SEL1L3: variants seen among roughly 807,000 people sequenced by gnomAD.
SEL1L3 encodes protein sel-1 homolog 3.
A neutral mutation model predicts 142.8 loss-of-function variants in SEL1L3; 76 were observed. The observed-to-expected ratio is 0.53, with a 90% CI of 0.44 to 0.64. The LOEUF (loss-of-function observed/expected upper bound fraction) is 0.64. Among genes scored for constraint, SEL1L3 ranks in the 30% least tolerant of loss-of-function variants. The probability of loss-of-function intolerance (pLI) is 0.00; values close to 1 mark genes in which losing one functional copy is unlikely to be tolerated. For missense variants in SEL1L3, 1,262 were observed against 1,381.7 expected (o/e 0.91, Z 1.37); for synonymous variants, 504 against 519.6 (o/e 0.97, Z 0.41).
intron 17 of SEL1L3, among the ~76,000 whole-genome samples, chr4:25,768,898 T>C (rs1718956257): frequency 1.3e-5 from 2 of 151,526 alleles, no homozygotes; most frequent in South Asian, 4.2e-4. Flanking sequence ...CACATATACA[T>C]GCAGATACAA....
At chr4:25,837,781 A>G (rs1264460335) in intron 2 of SEL1L3, among the ~76,000 whole-genome samples, 1 of 152,122 alleles carries the variant, frequency 6.6e-6, no homozygotes, top group Non-Finnish European at 1.5e-5. Context: ...TATTTATCCT[A>G]TATGTTATTT....
At chr4:25,715,949 C>T in the SEL1L3 span, among the ~76,000 whole-genome samples, 6 of 152,056 alleles carry the variant, frequency 3.9e-5, no homozygotes, top group African/African-American at 1.2e-4. Flanking sequence ...GAGAATAGAC[C>T]TTTTACTATA....
chr4:25,840,769 C>T (rs1380361745), intron 2 of SEL1L3, among the ~76,000 whole-genome samples: 1 of 152,188 alleles, frequency 6.6e-6, no homozygotes, highest in Non-Finnish European at 1.5e-5. Flanking sequence ...CCATGGCAGA[C>T]AGTAACTGAT....
chr4:25,787,296 C>A (rs1711915338), intron 13 of SEL1L3, among the ~76,000 whole-genome samples: 1 of 152,196 alleles, frequency 6.6e-6, no homozygotes, highest in Non-Finnish European at 1.5e-5. Flanking sequence ...AAGCAGGTAA[C>A]AACCACTCAA....
chr4:25,856,989 A>G (rs1396714762), intron 1 of SEL1L3, among the ~76,000 whole-genome samples: 3 of 152,216 alleles, frequency 2.0e-5, no homozygotes. Context: ...GGGTATGACA[A>G]GAAAACAATA....
intron 16 of SEL1L3, chr4:25,777,502 A>G (rs192686806): frequency 4.9e-6 from 1 of 205,874 alleles, no homozygotes; most frequent in Admixed American, 5.6e-5. Context: ...TGTAACTGAT[A>G]TATATGTAGA....
chr4:25,778,991 A>G (rs944719841), intron 16 of SEL1L3, 85 bp downstream of exon 16: 3 of 1,264,902 alleles, frequency 2.4e-6, no homozygotes, highest in African/African-American at 3.0e-5. Context: ...TGGTAAAAAT[A>G]AAGAACTCAA....
Position 25,835,116 on chromosome 4 carries a change from G to A in SEL1L3, c.860+81C>T, listed in dbSNP as rs538107212. 2.3e-4 allele frequency: 346 copies of A among 1,528,006 alleles called. 2 individuals carry two copies. The East Asian group carries it at 7.5e-3, about 33-fold the overall frequency. 94.7% of individuals were successfully genotyped at this position (1,528,006 alleles called of 1,614,324 possible). ...TTACCAAGAAGGTGTGTCTTCCTAA[G>A]GAATTCTTCCACTAGCCTGCTCTGG... is the stretch of plus-strand genomic sequence containing the variant. On this transcript the variant is annotated intron_variant, in intron 3 of 23. Coordinates refer to ENST00000399878, the MANE Select transcript of SEL1L3 (RefSeq NM_015187.5).
chr4:25,772,997 A>G (rs535713708), intron 17 of SEL1L3, among the ~76,000 whole-genome samples: 1 of 152,242 alleles, frequency 6.6e-6, no homozygotes, highest in Admixed American at 6.5e-5. Flanking sequence ...GGGTTTCACC[A>G]TGTTGGTCAG....
At chr4:25,828,979 A>AT (rs937727675) in intron 6 of SEL1L3, among the ~76,000 whole-genome samples, 8 of 151,992 alleles carry the variant, frequency 5.3e-5, no homozygotes, top group African/African-American at 1.7e-4. Context: ...CTTTACACTT[A>AT]TTTTTTTATT....
intron 23 of SEL1L3, among the ~76,000 whole-genome samples, chr4:25,757,267 C>CA (rs533360260): frequency 6.7e-6 from 1 of 149,946 alleles, no homozygotes; most frequent in Non-Finnish European, 1.5e-5. Flanking sequence ...GACTCCATCT[C>CA]AAAAAAAACA....
chr4:25,782,506 A>G, intron 14 of SEL1L3, 88 bp from the exon 15 acceptor site: 3 of 1,148,802 alleles, frequency 2.6e-6, no homozygotes, highest in Non-Finnish European at 3.7e-6. Context: ...CATTCTGCCT[A>G]AGTCTGAACA....
At chr4:25,854,283 A>G (rs541024149) in intron 1 of SEL1L3, among the ~76,000 whole-genome samples, 9 of 151,986 alleles carry the variant, frequency 5.9e-5, no homozygotes, top group African/African-American at 2.2e-4. Flanking sequence ...CTAAATTATC[A>G]AGCTTTTTTT....
At position 25,748,494 on chromosome 4, in the gene SEL1L3, C is replaced by G; in HGVS notation, c.3330G>C (p.Val1110=). 1 of 1,611,620 alleles carries G rather than the reference C, an allele frequency of 6.2e-7. No homozygotes were observed. The highest frequency in any genetic ancestry group is 1.1e-5 in the South Asian group (1 of 90,340). The change falls in exon 24 of 24, where the codon GTG becomes GTC. Residue 1110 remains valine, a synonymous_variant. Transcript: ENST00000399878. ...GGTCAGAGGCATCTGCAGCTGGAGT[C>G]ACAGCTGGACTTGCAGTGGACGTGG... is the stretch of plus-strand genomic sequence containing the variant. ...DTATSTASPA[V]TPAADASDQD... is the part of the protein sequence containing the mutation.
intron 6 of SEL1L3, among the ~76,000 whole-genome samples, chr4:25,828,141 C>G (rs1715210006): frequency 6.6e-6 from 1 of 152,194 alleles, no homozygotes; most frequent in African/African-American, 2.4e-5. Context: ...TTCAATGCAG[C>G]TATTAAGCCA....
intron 23 of SEL1L3, 113 bp downstream of exon 23, chr4:25,757,421 A>C: frequency 1.3e-6 from 1 of 790,460 alleles, no homozygotes; most frequent in Non-Finnish European, 2.0e-6. Context: ...CATGACCAAC[A>C]GCACCAGGAG....
chr4:25,797,877 T>C (rs1308445457), intron 11 of SEL1L3, among the ~76,000 whole-genome samples: 1 of 152,070 alleles, frequency 6.6e-6, no homozygotes, highest in Non-Finnish European at 1.5e-5. Context: ...CAACACCCAG[T>C]GCAGGAGCAA....
At chr4:25,857,538 A>G (rs1717349424) in intron 1 of SEL1L3, among the ~76,000 whole-genome samples, 1 of 152,118 alleles carries the variant, frequency 6.6e-6, no homozygotes, top group Non-Finnish European at 1.5e-5. Context: ...AGAACTTCTC[A>G]CTTCTAACCC....
chr4:25,738,201 T>A, the SEL1L3 span, among the ~76,000 whole-genome samples: 36 of 152,282 alleles, frequency 2.4e-4, no homozygotes, highest in South Asian at 4.1e-4. Context: ...CAATTTTTTT[T>A]AATAATATTT....
Sources: allele counts gnomAD v4.1 joint callset (sites outside exome capture counted in the v4.1 genomes callset), GRCh38; gene constraint gnomAD v4.1.1; transcripts MANE v1.5; gene names NCBI Gene and HGNC (gene_info 2026-07-23, HGNC 2026-07-21).